SLC12A1: variants seen among roughly 807,000 people sequenced by gnomAD.
SLC12A1 encodes the protein solute carrier family 12 member 1, also known as Na-K-2Cl cotransporter.
SLC12A1 carries 89 observed loss-of-function variants against 130.4 expected under a neutral mutation model. The observed-to-expected ratio is 0.68, with a 90% CI of 0.58 to 0.81. The LOEUF is 0.81. Among genes scored for constraint, SLC12A1 ranks in the 40% least tolerant of loss-of-function variants. SLC12A1 has a pLI of 0.00. For synonymous variants in SLC12A1, 499 were observed against 460.0 expected (o/e 1.08, Z -1.09); for missense variants, 1,310 against 1,336.4 (o/e 0.98, Z 0.31).
At chr15:48,257,554 A>G (rs1454574925) in intron 16 of SLC12A1, among the ~76,000 whole-genome samples, 1 of 152,100 alleles carries the variant, frequency 6.6e-6, no homozygotes, top group African/African-American at 2.4e-5. Context: ...CTAGTCTTCT[A>G]TGCACCCACA....
intron 8 of SLC12A1, 126 bp downstream of exon 8, chr15:48,232,964 G>A (rs1007862363): frequency 7.7e-6 from 5 of 650,714 alleles, no homozygotes; most frequent in East Asian, 5.1e-5. Context: ...TTGTGGATGC[G>A]GAAGCCCAAA....
rs1021461283 is a variant in SLC12A1, at chr15:48,294,167, G to A, written c.2960+2303G>A. On this transcript the variant is annotated intron_variant, in intron 24 of 26. Coordinates refer to ENST00000380993, the MANE Select transcript of SLC12A1 (RefSeq NM_000338.3). ...AGTTTGAGATCAGCCTGACCAACACGGTGAAACCCCGTCTCTACTAAAAAT... is the reference window on the plus strand; with the variant it reads ...AGTTTGAGATCAGCCTGACCAACACAGTGAAACCCCGTCTCTACTAAAAAT... Among the ~76,000 whole-genome samples the A allele has an allele frequency of 4.0e-5, 6 of 151,752 alleles. No homozygotes were observed. The East Asian group carries it at 7.7e-4, about 20-fold the overall frequency.
intron 24 of SLC12A1, among the ~76,000 whole-genome samples, chr15:48,295,670 T>C (rs939001787): frequency 2.6e-5 from 4 of 152,144 alleles, no homozygotes; most frequent in Non-Finnish European, 5.9e-5. Context: ...TTTCTCTCTG[T>C]TGTTTCAAGG....
intron 2 of SLC12A1, 110 bp from the exon 3 acceptor site, chr15:48,220,524 T>G (rs1185461453): frequency 2.8e-6 from 3 of 1,072,248 alleles, no homozygotes; most frequent in African/African-American, 1.6e-5. Context: ...GTTTGGGGGT[T>G]TTTTGGTATT....
Position 48,274,592 on chromosome 15 carries a change from T to C in SLC12A1, c.2424T>C (p.Ile808=), listed in dbSNP as rs1597446948. ...TCAGTGATGCATTTGATTTTGAGATTGGCGTGGTTATAGTCAGAATCAGCC... is the reference window on the plus strand; with the variant it reads ...TCAGTGATGCATTTGATTTTGAGATCGGCGTGGTTATAGTCAGAATCAGCC... The part of the protein sequence containing the change: ...GIIHDAFDFE[I]GVVIVRISQG... Residue 808 remains isoleucine, a synonymous_variant, in exon 20 of 27, where the codon ATT becomes ATC. Coordinates refer to ENST00000380993, the MANE Select transcript of SLC12A1 (RefSeq NM_000338.3). 13 of 1,612,884 alleles carry C rather than the reference T, an allele frequency of 8.1e-6. No individual in the cohort carries two copies. The highest frequency in any genetic ancestry group is 1.7e-5 in the Admixed American group (1 of 59,984).
intron 17 of SLC12A1, among the ~76,000 whole-genome samples, chr15:48,264,273 G>T (rs568864463): frequency 9.5e-4 from 144 of 151,612 alleles, no homozygotes; most frequent in African/African-American, 3.4e-3. Context: ...TCTTTTTCTC[G>T]TTTTTTTTCT....
chr15:48,285,020 C>T, intron 20 of SLC12A1, 86 bp from the exon 21 acceptor site: 1 of 1,002,158 alleles, frequency 1.0e-6, no homozygotes, highest in Non-Finnish European at 1.4e-6. Context: ...ACATACATAC[C>T]ATTTTAAATA....
At chr15:48,279,824 G>C (rs1207836818) in intron 20 of SLC12A1, among the ~76,000 whole-genome samples, 1 of 152,200 alleles carries the variant, frequency 6.6e-6, no homozygotes, top group Non-Finnish European at 1.5e-5. Flanking sequence ...GTCTGATCAA[G>C]TGGCTTAGCA....
chr15:48,289,438 CTA>C (rs1209083326), intron 23 of SLC12A1, among the ~76,000 whole-genome samples: 2 of 108,704 alleles, frequency 1.8e-5, no homozygotes, highest in African/African-American at 3.9e-5. Context: ...TAATGTATAA[CTA>C]TGTATAACTG....
chr15:48,220,515 T>C (rs1293989270), intron 2 of SLC12A1, 119 bp from the exon 3 acceptor site: 2 of 965,684 alleles, frequency 2.1e-6, no homozygotes, highest in East Asian at 5.4e-5. Context: ...ATATATTTAG[T>C]TTGGGGGTTT....
At chr15:48,254,107 T>C (rs2041677207) in intron 15 of SLC12A1, among the ~76,000 whole-genome samples, 1 of 152,146 alleles carries the variant, frequency 6.6e-6, no homozygotes, top group African/African-American at 2.4e-5. Flanking sequence ...TTCCTTACAG[T>C]TTGTTTTGAA....
chr15:48,259,399 A>G, intron 17 of SLC12A1, 88 bp downstream of exon 17: 1 of 910,438 alleles, frequency 1.1e-6, no homozygotes. Flanking sequence ...ACATGCAGTG[A>G]CAGGAAAATA....
intron 13 of SLC12A1, 77 bp downstream of exon 13, chr15:48,247,537 A>C (rs957469063): frequency 1.0e-4 from 119 of 1,147,908 alleles, no homozygotes; most frequent in Non-Finnish European, 1.4e-4. Context: ...TTTTAGTTTG[A>C]AAAATTACTC....
chr15:48,213,248 A>G (rs187787377), intron 2 of SLC12A1, among the ~76,000 whole-genome samples: 17 of 152,232 alleles, frequency 1.1e-4, no homozygotes, highest in Admixed American at 3.3e-4. Flanking sequence ...AACTCATTCA[A>G]CAGCTGTAGA....
intron 17 of SLC12A1, among the ~76,000 whole-genome samples, chr15:48,260,605 G>A (rs941528924): frequency 6.6e-6 from 1 of 152,138 alleles, no homozygotes; most frequent in Admixed American, 6.6e-5. Context: ...TGACAAGAAA[G>A]TGGCAGAGCC....
intron 17 of SLC12A1, among the ~76,000 whole-genome samples, chr15:48,263,725 C>G (rs1350772921): frequency 6.6e-6 from 1 of 152,004 alleles, no homozygotes; most frequent in Non-Finnish European, 1.5e-5. Flanking sequence ...CAGAGTCTCC[C>G]TCTGTCACTT....
At chr15:48,220,797 C>A in intron 3 of SLC12A1, 32 bp downstream of exon 3, 1 of 1,613,708 alleles carries the variant, frequency 6.2e-7, no homozygotes, top group African/African-American at 1.3e-5. Flanking sequence ...CAAATGAAAA[C>A]TATCCATTCA....
intron 24 of SLC12A1, among the ~76,000 whole-genome samples, chr15:48,298,465 T>C (rs536244351): frequency 6.6e-6 from 1 of 152,368 alleles, no homozygotes; most frequent in African/African-American, 2.4e-5. Flanking sequence ...CATTAAAACA[T>C]TATTGATTTT....
intron 17 of SLC12A1, among the ~76,000 whole-genome samples, chr15:48,264,036 G>A (rs2041804678): frequency 6.6e-6 from 1 of 152,048 alleles, no homozygotes; most frequent in African/African-American, 2.4e-5. Context: ...TCAAGTTAAA[G>A]CCCCTTTTAA....
Sources: allele counts gnomAD v4.1 joint callset (sites outside exome capture counted in the v4.1 genomes callset), GRCh38; gene constraint gnomAD v4.1.1; transcripts MANE v1.5; gene names NCBI Gene and HGNC (gene_info 2026-07-23, HGNC 2026-07-21).